Variants in EEF1AKMT1 observed in about 807,000 individuals in gnomAD.
EEF1AKMT1 encodes N-6 adenine-specific DNA methyltransferase 2 (putative).
In EEF1AKMT1, 18 loss-of-function variants were observed where a neutral mutation model predicts 21.0. The ratio of observed to expected loss-of-function variants is 0.86; its 90% confidence interval spans 0.59 to 1.27. The LOEUF (loss-of-function observed/expected upper bound fraction) is 1.27, where lower values mean the gene tolerates loss of function less well. Among genes scored for constraint, EEF1AKMT1 ranks in the 50% most tolerant of loss-of-function variants. EEF1AKMT1 has a pLI of 0.00. For synonymous variants in EEF1AKMT1, 109 were observed against 94.8 expected, an observed-to-expected ratio of 1.15 and a Z score of -0.87; for missense variants, 246 against 258.6, an observed-to-expected ratio of 0.95 and a Z score of 0.33.
intron 1 of EEF1AKMT1, among the ~76,000 whole-genome samples, chr13:20,763,413 G>A (rs553876869): frequency 1.3e-5 from 2 of 150,924 alleles, no homozygotes; most frequent in East Asian, 3.9e-4. Flanking sequence ...CCAGTCTACG[G>A]TATTTTGTTA....
At chr13:20,742,810 G>GT (rs2058879511) in intron 2 of EEF1AKMT1, among the ~76,000 whole-genome samples, 1 of 152,182 alleles carries the variant, frequency 6.6e-6, no homozygotes, top group Non-Finnish European at 1.5e-5. Context: ...ACCCCACTCT[G>GT]TTTGCCTACA....
chr13:20,765,713 T>C (rs1351306080), intron 1 of EEF1AKMT1, among the ~76,000 whole-genome samples: 3 of 152,008 alleles, frequency 2.0e-5, no homozygotes, highest in Non-Finnish European at 2.9e-5. Flanking sequence ...GTCTGGCCTC[T>C]TCTCTTGGTT....
At chr13:20,732,983 A>G (rs920640519) in intron 3 of EEF1AKMT1, among the ~76,000 whole-genome samples, 1 of 152,208 alleles carries the variant, frequency 6.6e-6, no homozygotes, top group Non-Finnish European at 1.5e-5. Flanking sequence ...CTATCTCATT[A>G]CAGCAGCCCA....
chr13:20,737,596 T>A, intron 3 of EEF1AKMT1, 127 bp downstream of exon 3: 1 of 774,560 alleles, frequency 1.3e-6, no homozygotes, highest in South Asian at 1.8e-5. Context: ...TAATCTGTCA[T>A]ATGCTGCAAA....
chr13:20,754,741 C>CAAAA (rs56777421), intron 2 of EEF1AKMT1, among the ~76,000 whole-genome samples: 57 of 116,438 alleles, frequency 4.9e-4, no homozygotes, highest in East Asian at 1.8e-3. Context: ...ACCAAAAATA[C>CAAAA]AAAAAAAAAA....
intron 3 of EEF1AKMT1, among the ~76,000 whole-genome samples, chr13:20,733,888 A>G (rs2058812073): frequency 6.6e-6 from 1 of 152,252 alleles, no homozygotes; most frequent in Non-Finnish European, 1.5e-5. Context: ...CAACAGAGAC[A>G]GTGTTACCCG....
intron 3 of EEF1AKMT1, among the ~76,000 whole-genome samples, chr13:20,732,331 AT>A (rs1315490649): frequency 3.3e-5 from 5 of 151,942 alleles, no homozygotes; most frequent in Admixed American, 6.6e-5. Context: ...GTAACTTATA[AT>A]TTTTTTTCTT....
chr13:20,761,598 T>C (rs996855724), intron 1 of EEF1AKMT1, among the ~76,000 whole-genome samples: 1 of 152,208 alleles, frequency 6.6e-6, no homozygotes, highest in East Asian at 1.9e-4. Context: ...TTGGATTTTA[T>C]GGTTAGAGTG....
intron 3 of EEF1AKMT1, among the ~76,000 whole-genome samples, chr13:20,733,655 T>A (rs532348971): frequency 6.6e-6 from 1 of 152,156 alleles, no homozygotes; most frequent in South Asian, 2.1e-4. Context: ...TGGGAATATA[T>A]GCATATAGAT....
chr13:20,737,025 C>T (rs755191480), intron 3 of EEF1AKMT1, among the ~76,000 whole-genome samples: 3 of 151,892 alleles, frequency 2.0e-5, no homozygotes, highest in Non-Finnish European at 2.9e-5. Flanking sequence ...TGAGCCACCA[C>T]GCCCAGTCAC....
intron 1 of EEF1AKMT1, among the ~76,000 whole-genome samples, chr13:20,772,004 T>C (rs2059065196): frequency 1.2e-5 from 1 of 86,296 alleles, no homozygotes; most frequent in Non-Finnish European, 2.4e-5. Flanking sequence ...GGAGTGAGAC[T>C]ACATTTCAAA....
intron 1 of EEF1AKMT1, among the ~76,000 whole-genome samples, chr13:20,771,100 C>T (rs763220695): frequency 2.6e-5 from 4 of 151,996 alleles, no homozygotes; most frequent in Non-Finnish European, 4.4e-5. Flanking sequence ...CTGAACTCCT[C>T]GATTCAAGTG....
chr13:20,739,368 G>A (rs6490609), intron 2 of EEF1AKMT1, among the ~76,000 whole-genome samples: 14,161 of 152,214 alleles, frequency 0.093, 806 homozygotes, highest in Non-Finnish European at 0.13. Flanking sequence ...CTAAGCAGGG[G>A]CAGCCTGCTT....
chr13:20,737,752 C>A lies in EEF1AKMT1; in HGVS notation c.198G>T (p.Glu66Asp), dbSNP rs1192718493. 6.2e-7 allele frequency: 1 copy of A among 1,613,050 alleles called. No individual in the cohort carries two copies. Among genetic ancestry groups the A allele is most frequent in the South Asian group, 1.1e-5 (1 of 90,754 alleles). Residue 66 changes from glutamate (E) to aspartate (D), a missense_variant, in exon 3 of 5, where the codon GAG becomes GAT. Physicochemically the swap from Glu to Asp is conservative, Grantham distance 45. Coordinates refer to ENST00000382758, the MANE Select transcript of EEF1AKMT1 (RefSeq NM_001318939.2). ...CACCTTCTCCTACAGCTGCAATTGCCTCCTGTGCCAGCTGCAGAGCAGTTT... is the reference window on the plus strand; with the variant it reads ...CACCTTCTCCTACAGCTGCAATTGCATCCTGTGCCAGCTGCAGAGCAGTTT... ...SQETALQLAQ[E>D]AIAAVGEGGR...
At chr13:20,748,433 CAAAA>C (rs544169414) in intron 2 of EEF1AKMT1, among the ~76,000 whole-genome samples, 1 of 111,022 alleles carries the variant, frequency 9.0e-6, no homozygotes, top group African/African-American at 3.5e-5. Context: ...AGACTCCGTC[CAAAA>C]AAAAAAAAAA....
At chr13:20,749,173 T>C (rs73167420) in intron 2 of EEF1AKMT1, among the ~76,000 whole-genome samples, 4,417 of 152,294 alleles carry the variant, frequency 0.029, 97 homozygotes, top group Non-Finnish European at 0.043. Flanking sequence ...CATGACTGTT[T>C]CATTTGCTTG....
At chr13:20,745,706 G>T (rs2058900062) in intron 2 of EEF1AKMT1, among the ~76,000 whole-genome samples, 1 of 152,138 alleles carries the variant, frequency 6.6e-6, no homozygotes, top group Admixed American at 6.5e-5. Flanking sequence ...AAAATTAGCT[G>T]GGCATGGTGG....
At chr13:20,736,976 C>T (rs1412368865) in intron 3 of EEF1AKMT1, among the ~76,000 whole-genome samples, 1 of 151,592 alleles carries the variant, frequency 6.6e-6, no homozygotes, top group African/African-American at 2.4e-5. Flanking sequence ...TCAGGTGATC[C>T]GCCCGCCTTG....
chr13:20,731,949 T>C lies in EEF1AKMT1; in HGVS notation c.400A>G (p.Ser134Gly). Residue 134 changes from serine to glycine, a missense_variant, in exon 4 of 5, where the codon AGT becomes GGT. Transcript: ENST00000382758. ...GGATCTGCTATTACGATGTCAAAAC[T>C]ATGTGCAGCAATTCTTTCGGGTAAG... is the stretch of plus-strand genomic sequence containing the variant. The part of the protein sequence containing the change: ...LDLPERIAAH[S>G]FDIVIADPPY... 6.2e-7 allele frequency: 1 copy of C among 1,614,246 alleles called. No individual in the cohort carries two copies. Among genetic ancestry groups the C allele is most frequent in the Non-Finnish European group, 8.5e-7 (1 of 1,180,036 alleles).
Sources: allele counts gnomAD v4.1 joint callset (sites outside exome capture counted in the v4.1 genomes callset), GRCh38; gene constraint gnomAD v4.1.1; transcripts MANE v1.5; gene names NCBI Gene and HGNC (gene_info 2026-07-23, HGNC 2026-07-21).